Variants in TENM1 observed in about 807,000 individuals in gnomAD.
TENM1 encodes teneurin transmembrane protein 1.
TENM1 carries 35 observed loss-of-function variants against 174.8 expected under a neutral mutation model. That is an observed-to-expected ratio of 0.20 (90% CI 0.15 to 0.27). The LOEUF is 0.27. Ranked by LOEUF, TENM1 falls within the 10% of genes least tolerant of loss-of-function variation. TENM1 has a pLI of 1.00. For missense variants in TENM1, 1,633 were observed against 2,130.1 expected (o/e 0.77, Z 4.59); for synonymous variants, 781 against 798.7 (o/e 0.98, Z 0.37).
At chrX:125,132,142 C>T in the TENM1 span, among the ~76,000 whole-genome samples, 3 of 111,757 alleles carry the variant, frequency 2.7e-5, no homozygotes, top group African/African-American at 9.8e-5. Context: ...GGGTTCAGAT[C>T]TATTAGATGA....
chrX:124,999,872 C>G, the TENM1 span, among the ~76,000 whole-genome samples: 26 of 111,722 alleles, frequency 2.3e-4, no homozygotes, highest in African/African-American at 6.8e-4. Flanking sequence ...CTGGCAAGAA[C>G]TGAAAAGGGC....
chrX:124,807,311 T>C (rs1036705365), intron 3 of TENM1, among the ~76,000 whole-genome samples: 10 of 112,120 alleles, frequency 8.9e-5, no homozygotes, highest in Admixed American at 5.7e-4. Context: ...GTATGATATA[T>C]GCAAACTGCT....
At chrX:124,745,216 C>T (rs2053889067) in intron 3 of TENM1, among the ~76,000 whole-genome samples, 1 of 111,479 alleles carries the variant, frequency 9.0e-6, no homozygotes, top group African/African-American at 3.3e-5. Context: ...TCTCCACCAG[C>T]ACAACTTTAA....
chrX:124,427,303 T>C (rs1279659905), intron 23 of TENM1, among the ~76,000 whole-genome samples: 3 of 112,317 alleles, frequency 2.7e-5, no homozygotes, highest in Non-Finnish European at 5.6e-5. Context: ...AGGCTGGTAG[T>C]TGGGAAATAA....
intron 22 of TENM1, among the ~76,000 whole-genome samples, chrX:124,479,278 A>G (rs190680994): frequency 1.4e-3 from 153 of 112,413 alleles, no homozygotes; most frequent in African/African-American, 4.7e-3. Flanking sequence ...TGTTGACAAC[A>G]CCAGCTTCAG....
rs2049573045 is a variant in TENM1, at chrX:124,587,624, C to T, written c.2078-22064G>A. The stretch of plus-strand genomic sequence containing the variant: ...TAGGCATTACCATTCAGGACATAGG[C>T]ATGGGCAAGGACTTCATGTCTAAAA... On this transcript the variant is annotated intron_variant, in intron 11 of 31. Coordinates refer to ENST00000422452, the Ensembl canonical transcript of TENM1. Among the ~76,000 whole-genome samples, 4 of 110,935 alleles carry T rather than the reference C, an allele frequency of 3.6e-5. No individual in the cohort carries two copies. In the Admixed American group the frequency reaches 3.8e-4, roughly 11 times the overall value.
intron 1 of TENM1, among the ~76,000 whole-genome samples, chrX:124,957,213 G>A (rs1231363859): frequency 9.0e-6 from 1 of 110,551 alleles, no homozygotes; most frequent in Non-Finnish European, 1.9e-5. Flanking sequence ...ATGGATGGAT[G>A]GATGGATGGT....
At chrX:124,649,480 T>C (rs2051242668) in intron 8 of TENM1, among the ~76,000 whole-genome samples, 3 of 112,477 alleles carry the variant, frequency 2.7e-5, no homozygotes, top group African/African-American at 9.7e-5. Context: ...ATTTGTAATA[T>C]ATGTATCACT....
At chrX:124,959,624 C>T (rs187136104) in intron 1 of TENM1, among the ~76,000 whole-genome samples, 8 of 111,061 alleles carry the variant, frequency 7.2e-5, no homozygotes, top group African/African-American at 2.3e-4. Context: ...CTTTTCCAAT[C>T]GCTGATGGGA....
chrX:125,164,428 C>T, the TENM1 span, among the ~76,000 whole-genome samples: 492 of 111,822 alleles, frequency 4.4e-3, 1 homozygote, highest in Non-Finnish European at 7.0e-3. Flanking sequence ...CTTAATCTCT[C>T]CAGATTGTAG....
intron 3 of TENM1, among the ~76,000 whole-genome samples, chrX:124,852,528 G>A (rs1306912387): frequency 9.0e-6 from 1 of 111,082 alleles, no homozygotes; most frequent in African/African-American, 3.3e-5. Context: ...GAGAGACTGA[G>A]TAGATGTTGA....
At chrX:125,157,699 G>A in the TENM1 span, among the ~76,000 whole-genome samples, 1 of 111,973 alleles carries the variant, frequency 8.9e-6, no homozygotes, top group South Asian at 3.7e-4. Flanking sequence ...CATTCCTAAA[G>A]TGAATGGATT....
chrX:124,756,542 T>C, intron 3 of TENM1, among the ~76,000 whole-genome samples: 1 of 112,085 alleles, frequency 8.9e-6, no homozygotes, highest in Non-Finnish European at 1.9e-5. Flanking sequence ...AGGAACTGCG[T>C]TCCTTTGGAG....
At chrX:124,985,650 G>A in the TENM1 span, among the ~76,000 whole-genome samples, 2 of 111,713 alleles carry the variant, frequency 1.8e-5, no homozygotes, top group African/African-American at 6.5e-5. Context: ...TATGTAACCT[G>A]TACCTCAAAG....
chrX:124,812,231 T>C (rs1251538766), intron 3 of TENM1, among the ~76,000 whole-genome samples: 2 of 111,313 alleles, frequency 1.8e-5, no homozygotes, highest in East Asian at 5.6e-4. Context: ...ACAATGTGTA[T>C]ATCCTTCAAA....
Position 124,583,147 on chromosome X carries a change from T to G in TENM1, c.2078-17587A>C, listed in dbSNP as rs201601478. 6.7e-3 allele frequency among the ~76,000 whole-genome samples: 743 copies of G among 111,246 alleles called. 28 individuals are homozygous for G. The East Asian group carries it at 0.12, about 18-fold the overall frequency. On this transcript the variant is annotated intron_variant, in intron 11 of 31. Transcript: ENST00000422452. ...AAGACAGCAGTAACCTCTGCAGACTTAAATGTCCCTGTCTGACAGCTTTGA... is the reference window on the plus strand; with the variant it reads ...AAGACAGCAGTAACCTCTGCAGACTGAAATGTCCCTGTCTGACAGCTTTGA...
intron 3 of TENM1, among the ~76,000 whole-genome samples, chrX:124,847,642 G>T (rs1489903106): frequency 1.8e-5 from 2 of 111,650 alleles, no homozygotes; most frequent in Non-Finnish European, 1.9e-5. Context: ...ATTCAAAAGA[G>T]AATAAATAAA....
chrX:124,690,003 A>T (rs1448872170), intron 5 of TENM1, among the ~76,000 whole-genome samples: 1 of 111,670 alleles, frequency 9.0e-6, no homozygotes, highest in East Asian at 2.8e-4. Flanking sequence ...GTACTATTGT[A>T]ATACCTAATT....
intron 22 of TENM1, 37 bp downstream of exon 25, chrX:124,481,695 G>GTATATATATA (rs761348190): frequency 0.033 from 8,456 of 253,527 alleles, 70 homozygotes; most frequent in East Asian, 0.043. Flanking sequence ...TGACCCAAGG[G>GTATATATATA]TATATATATA....
Sources: allele counts gnomAD v4.1 joint callset (sites outside exome capture counted in the v4.1 genomes callset), GRCh38; gene constraint gnomAD v4.1.1; transcripts MANE v1.5; gene names NCBI Gene and HGNC (gene_info 2026-07-23, HGNC 2026-07-21).